The following ZNF283 variants were observed in gnomAD, a reference collection of about 807,000 sequenced individuals.
ZNF283 encodes the protein zinc finger protein 41.
ZNF283 carries 10 observed loss-of-function variants against 9.2 expected under a neutral mutation model. That is an observed-to-expected ratio of 1.09 (90% CI 0.67 to 1.85). The LOEUF (loss-of-function observed/expected upper bound fraction) is 1.85, where lower values mean the gene tolerates loss of function less well. Among genes scored for constraint, ZNF283 ranks in the 40% most tolerant of loss-of-function variants. The pLI is 0.00. For missense variants in ZNF283, 631 were observed against 760.1 expected, an observed-to-expected ratio of 0.83 and a Z score of 2.00; for synonymous variants, 234 against 244.1, an observed-to-expected ratio of 0.96 and a Z score of 0.38.
Position 43,837,069 on chromosome 19 carries a change from G to A in ZNF283, c.227G>A (p.Arg76Lys), listed in dbSNP as rs1271771393. 1 of 1,614,126 alleles carries A rather than the reference G, an allele frequency of 6.2e-7. No homozygotes were observed. The highest frequency in any genetic ancestry group is 2.2e-5 in the East Asian group (1 of 44,870). ...TGGTTTTAGGGGTTGGTGACATTCA[G>A]GGATGTGGCCATCGACTTCTCTCAG... ...RTMTDGLVTF[R>K]DVAIDFSQEE... Residue 76 changes from arginine to lysine, a missense_variant, in exon 6 of 7, where the codon AGG (arginine) becomes AAG (lysine). This residue lies in a region of ZNF283 where 184 missense variants were observed against 220.0 expected (regional missense o/e 0.84). Coordinates refer to ENST00000618787, the MANE Select transcript of ZNF283 (RefSeq NM_181845.2).
In ZNF283 at chr19:43,835,501, C is replaced by T; in HGVS notation, c.123-4C>T. On this transcript the variant is annotated splice_polypyrimidine_tract_variant and splice_region_variant and intron_variant, in intron 4 of 6. Transcript: ENST00000618787. ...TGGTTTAACGCTTCGTTTTCCCTCC[C>T]CAGTTCTGGCTTTTCTGGATTCTGT... 6.2e-7 allele frequency: 1 copy of T among 1,606,202 alleles called. No individual in the cohort carries two copies. Among genetic ancestry groups the T allele is most frequent in the Non-Finnish European group, 8.5e-7 (1 of 1,175,294 alleles).
chr19:43,837,237 C>T (rs770324422), intron 6 of ZNF283, 58 bp downstream of exon 6: 10 of 1,501,912 alleles, frequency 6.7e-6, no homozygotes, highest in Non-Finnish European at 8.9e-6. Flanking sequence ...CAGTTTTCTG[C>T]ACTGGAAATT....
rs745330536 is a variant in ZNF283, at chr19:43,837,092, C to G, written c.250C>G (p.Gln84Glu). Residue 84 changes from glutamine to glutamate, a missense_variant, in exon 6 of 7, where the codon CAG (glutamine) becomes GAG (glutamate). By Grantham distance (29) the Gln-to-Glu change is conservative. Around this residue, in one of 3 missense-constraint regions of ZNF283, gnomAD observed 184 missense variants for 220.0 expected, o/e 0.84. Coordinates refer to ENST00000618787, the MANE Select transcript of ZNF283 (RefSeq NM_181845.2). ...CAGGGATGTGGCCATCGACTTCTCT[C>G]AGGAGGAGTGGGAATGCCTGGACCC... ...TFRDVAIDFSQEEWECLDPAQ... is the reference protein window; with the variant it reads ...TFRDVAIDFSEEEWECLDPAQ... The G allele has an allele frequency of 2.1e-5, 34 of 1,613,984 alleles. 1 individual carries two copies. In the South Asian group the frequency reaches 3.6e-4, roughly 17 times the overall value.
intron 6 of ZNF283, 47 bp from the exon 7 acceptor site, chr19:43,846,892 T>TTA: frequency 1.2e-5 from 14 of 1,192,292 alleles, no homozygotes; most frequent in African/African-American, 1.6e-5. Context: ...TTTTTTTTTT[T>TTA]CCCTAGTGAA....
At position 43,846,877 on chromosome 19, in the gene ZNF283, GTT is replaced by G. The variant is rs72062467; in HGVS notation, c.338-48_338-47del. ...TAATTTGTCTTTTATTTCTACTGTA[GTT>G]TTTTTTTTTTTTTCCCTAGTGAAGG... On this transcript the variant is annotated intron_variant, in intron 6 of 6. Transcript: ENST00000618787. The G allele has an allele frequency of 8.5e-3, 7,095 of 833,482 alleles. 14 individuals carry two copies. The highest frequency in any genetic ancestry group is 0.024 in the African/African-American group (1,244 of 52,664). The allele number at this position is 833,482 out of a possible 1,614,324, so 51.6% of individuals were successfully genotyped here. A position where few individuals can be genotyped will look rare whatever the true frequency, so the allele number is the denominator to read the frequency against.
Position 43,848,373 on chromosome 19 carries a change from G to A in ZNF283, c.1772G>A (p.Arg591Lys), listed in dbSNP as rs370381565. 6.2e-7 allele frequency: 1 copy of A among 1,613,704 alleles called. No individual in the cohort carries two copies. Among genetic ancestry groups the A allele is most frequent in the African/African-American group, 1.3e-5 (1 of 74,814 alleles). Residue 591 changes from arginine to lysine, a missense_variant, in exon 7 of 7, where the codon AGA (arginine) becomes AAA (lysine). Around this residue, in one of 3 missense-constraint regions of ZNF283, gnomAD observed 444 missense variants for 522.5 expected, o/e 0.85. Coordinates refer to ENST00000618787, the MANE Select transcript of ZNF283 (RefSeq NM_181845.2). ...SWGSSLVKHE[R>K]VHTNEKSYEC... is the part of the protein sequence containing the mutation. ...GGTTCAAGCCTAGTTAAGCATGAGA[G>A]AGTCCATACTAATGAGAAGTCTTAT...
At chr19:43,844,585 C>T (rs895745649) in intron 6 of ZNF283, among the ~76,000 whole-genome samples, 2 of 152,180 alleles carry the variant, frequency 1.3e-5, no homozygotes, top group Non-Finnish European at 2.9e-5. Context: ...AGCAGCAAGA[C>T]ATTGTTAAAT....
chr19:43,835,439 A>G (rs1213081125), intron 4 of ZNF283, 66 bp from the exon 5 acceptor site: 1 of 1,008,876 alleles, frequency 9.9e-7, no homozygotes, highest in East Asian at 2.5e-5. Flanking sequence ...AAGATCTTCT[A>G]TTAGTGTAAG....
rs757116422 is a variant in ZNF283 at position 43,848,671 on chromosome 19, T to A, written c.*30T>A. 6.6e-7 allele frequency: 1 copy of A among 1,518,100 alleles called. No homozygotes were observed. Among genetic ancestry groups the A allele is most frequent in the Non-Finnish European group, 8.8e-7 (1 of 1,133,130 alleles). 94.0% of individuals were successfully genotyped at this position (1,518,100 alleles called of 1,614,324 possible). ...AAGTTGTAAAAGAATATTTTGTGTG[T>A]GTGTATAGACAACTTATCATAATAA... On this transcript the variant is annotated 3_prime_UTR_variant, in exon 7 of 7. Transcript: ENST00000618787.
chr19:43,851,073 TG>T lies in ZNF283; in HGVS notation c.*2433del, dbSNP rs1971595477. Reference sequence around the variant, plus strand: ...TCTAGTGATCATCATTCTACATGATTGCACTTTTTCAAAGGCATAAAAAGCC... The same window carrying T: ...TCTAGTGATCATCATTCTACATGATTCACTTTTTCAAAGGCATAAAAAGCC... On this transcript the variant is annotated 3_prime_UTR_variant, in exon 7 of 7. Coordinates refer to ENST00000618787, the MANE Select transcript of ZNF283 (RefSeq NM_181845.2). 6.6e-6 allele frequency: 1 copy of T among 152,188 alleles called. No homozygotes were observed. The highest frequency in any genetic ancestry group is 2.1e-4 in the South Asian group (1 of 4,834). 9.4% of individuals were successfully genotyped at this position (152,188 alleles called of 1,614,324 possible).
chr19:43,848,740 A>G lies in ZNF283; in HGVS notation c.*99A>G. 1 of 1,239,878 alleles carries G rather than the reference A, an allele frequency of 8.1e-7. No homozygotes were observed. The highest frequency in any genetic ancestry group is 1.1e-6 in the Non-Finnish European group (1 of 920,710). 76.8% of individuals were successfully genotyped at this position (1,239,878 alleles called of 1,614,324 possible). On this transcript the variant is annotated 3_prime_UTR_variant, in exon 7 of 7. Transcript: ENST00000618787. ...AACCTTGTGAATGTAAGGGTTGTGC[A>G]AAAGCCATTCATTTCTGTTTATGGG...
chr19:43,829,099 C>T (rs935614564), intron 2 of ZNF283, among the ~76,000 whole-genome samples: 6 of 152,066 alleles, frequency 3.9e-5, no homozygotes, highest in African/African-American at 1.4e-4. Context: ...AAAATAAGGC[C>T]CTGGGGTCGG....
chr19:43,835,498 TC>T lies in ZNF283; in HGVS notation c.123-3del. The T allele has an allele frequency of 6.2e-7, 1 of 1,604,370 alleles. No individual in the cohort carries two copies. The highest frequency in any genetic ancestry group is 8.5e-7 in the Non-Finnish European group (1 of 1,173,910). The stretch of plus-strand genomic sequence containing the variant: ...ACCTGGTTTAACGCTTCGTTTTCCC[TC>T]CCCAGTTCTGGCTTTTCTGGATTCT... On this transcript the variant is annotated splice_region_variant and splice_polypyrimidine_tract_variant and intron_variant, in intron 4 of 6. Transcript: ENST00000618787.
rs1970933698 is a variant in ZNF283 at position 43,835,505 on chromosome 19, T to C, written c.123T>C (p.Ser41=). ...TTAACGCTTCGTTTTCCCTCCCCAG[T>C]TCTGGCTTTTCTGGATTCTGTGCTT... ...CLSLLSSWDY[S]SGFSGFCASP... Residue 41 remains serine (S), a splice_region_variant and synonymous_variant, in exon 5 of 7, where the codon AGT becomes AGC. Coordinates refer to ENST00000618787, the MANE Select transcript of ZNF283 (RefSeq NM_181845.2). 2 of 1,607,992 alleles carry C rather than the reference T, an allele frequency of 1.2e-6. No individual in the cohort carries two copies. Among genetic ancestry groups the C allele is most frequent in the East Asian group, 4.5e-5 (2 of 44,826 alleles).
At chr19:43,836,330 T>G (rs190537953) in intron 5 of ZNF283, among the ~76,000 whole-genome samples, 49 of 152,282 alleles carry the variant, frequency 3.2e-4, no homozygotes, top group Non-Finnish European at 4.1e-4. Flanking sequence ...AAAAAAGTTT[T>G]CATGTTTTCC....
intron 2 of ZNF283, among the ~76,000 whole-genome samples, chr19:43,829,401 CA>C (rs561799661): frequency 1.3e-5 from 2 of 152,038 alleles, no homozygotes; most frequent in South Asian, 4.2e-4. Flanking sequence ...ACAGCAACAA[CA>C]AAAAAATTAA....
intron 6 of ZNF283, among the ~76,000 whole-genome samples, chr19:43,845,783 C>A (rs891705126): frequency 6.6e-6 from 1 of 152,052 alleles, no homozygotes; most frequent in African/African-American, 2.4e-5. Context: ...ATACTTATGT[C>A]ACTTTTTTCA....
At position 43,835,534 on chromosome 19, in the gene ZNF283, C is replaced by A. The variant is rs754327946; in HGVS notation, c.152C>A (p.Pro51Gln). ...SSGFSGFCASPIEESHGALIS... is the reference protein window; with the variant it reads ...SSGFSGFCASQIEESHGALIS... ...GGCTTTTCTGGATTCTGTGCTTCACCAATAGAGGAATCCCATGGAGCATTA... is the reference window on the plus strand; with the variant it reads ...GGCTTTTCTGGATTCTGTGCTTCACAAATAGAGGAATCCCATGGAGCATTA... Residue 51 changes from proline (P) to glutamine (Q), a missense_variant, in exon 5 of 7, where the codon CCA becomes CAA. This residue lies in a region of ZNF283 where 184 missense variants were observed against 220.0 expected (regional missense o/e 0.84). Transcript: ENST00000618787. 3 of 1,611,304 alleles carry A rather than the reference C, an allele frequency of 1.9e-6. No individual in the cohort carries two copies. Among genetic ancestry groups the A allele is most frequent in the Non-Finnish European group, 2.5e-6 (3 of 1,178,686 alleles).
At chr19:43,845,553 T>A (rs1416575230) in intron 6 of ZNF283, among the ~76,000 whole-genome samples, 9 of 152,132 alleles carry the variant, frequency 5.9e-5, no homozygotes, top group Admixed American at 4.6e-4. Flanking sequence ...TTCTGTTCTA[T>A]TTAAAAATAG....
Sources: gnomAD v4.1 joint callset for allele counts (sites outside exome capture counted in the v4.1 genomes callset) on GRCh38, gnomAD v4.1.1 for gene constraint, gnomAD v4.1.1 regional missense constraint, MANE v1.5 for transcripts, NCBI Gene and HGNC (gene_info 2026-07-23, HGNC 2026-07-21) for gene names.